The following EPHA7 variants were observed in gnomAD, a reference collection of about 807,000 sequenced individuals.
The protein encoded by EPHA7 is EPH receptor A7.
Under a neutral mutation model 112.6 loss-of-function variants are expected in EPHA7, and 25 were observed. The observed-to-expected ratio is 0.22, with a 90% CI of 0.16 to 0.31. The LOEUF (loss-of-function observed/expected upper bound fraction) is 0.31, where lower values mean the gene tolerates loss of function less well. Among genes scored for constraint, EPHA7 ranks in the 10% least tolerant of loss-of-function variants. EPHA7 has a pLI of 1.00. For synonymous variants in EPHA7, 437 were observed against 406.5 expected, an observed-to-expected ratio of 1.07 and a Z score of -0.90; for missense variants, 962 against 1,212.6, an observed-to-expected ratio of 0.79 and a Z score of 3.07.
intron 5 of EPHA7, among the ~76,000 whole-genome samples, chr6:93,352,855 T>C (rs994404470): frequency 3.9e-5 from 6 of 152,074 alleles, no homozygotes; most frequent in Non-Finnish European, 8.8e-5. Context: ...AAATACCACA[T>C]GTTCTTACTT....
At chr6:93,333,121 T>C (rs1480367907) in intron 5 of EPHA7, among the ~76,000 whole-genome samples, 1 of 151,886 alleles carries the variant, frequency 6.6e-6, no homozygotes, top group Non-Finnish European at 1.5e-5. Flanking sequence ...CACTTGTAAG[T>C]GAGAACATGT....
chr6:93,401,915 C>G (rs1208272807), intron 3 of EPHA7, among the ~76,000 whole-genome samples: 2 of 151,904 alleles, frequency 1.3e-5, no homozygotes, highest in Admixed American at 1.3e-4. Flanking sequence ...ATGAATATTT[C>G]ATAGATTAGT....
intron 5 of EPHA7, among the ~76,000 whole-genome samples, chr6:93,272,857 T>C (rs1771294200): frequency 1.3e-5 from 2 of 152,012 alleles, no homozygotes; most frequent in African/African-American, 4.8e-5. Flanking sequence ...AATGGCTACT[T>C]TGATCTTCAA....
intron 5 of EPHA7, among the ~76,000 whole-genome samples, chr6:93,278,737 T>C (rs1267005650): frequency 2.0e-5 from 3 of 151,980 alleles, no homozygotes; most frequent in African/African-American, 7.2e-5. Context: ...TGTGTGTGTG[T>C]GTGAAGAAGC....
intron 5 of EPHA7, among the ~76,000 whole-genome samples, chr6:93,300,484 A>G (rs1478346644): frequency 6.6e-6 from 1 of 152,170 alleles, no homozygotes; most frequent in Non-Finnish European, 1.5e-5. Context: ...ATTTTCTTAC[A>G]ATTTTTTATA....
At chr6:93,369,365 G>A (rs1351604000) in intron 3 of EPHA7, among the ~76,000 whole-genome samples, 1 of 152,010 alleles carries the variant, frequency 6.6e-6, no homozygotes, top group Non-Finnish European at 1.5e-5. Flanking sequence ...ACATCTCTTT[G>A]TATCCATTAT....
At chr6:93,406,449 T>C (rs1053326809) in intron 3 of EPHA7, among the ~76,000 whole-genome samples, 7 of 151,850 alleles carry the variant, frequency 4.6e-5, no homozygotes, top group South Asian at 2.1e-4. Flanking sequence ...TTTCATTAGT[T>C]TTTTAGTAAC....
intron 1 of EPHA7, among the ~76,000 whole-genome samples, chr6:93,418,237 A>AT (rs1779342812): frequency 6.6e-6 from 1 of 152,008 alleles, no homozygotes; most frequent in Non-Finnish European, 1.5e-5. Flanking sequence ...GACAGGGTTT[A>AT]TTTTTCCCCA....
At chr6:93,355,319 C>A (rs1775891365) in intron 5 of EPHA7, among the ~76,000 whole-genome samples, 1 of 152,098 alleles carries the variant, frequency 6.6e-6, no homozygotes, top group Admixed American at 6.6e-5. Flanking sequence ...GAATAAAAAC[C>A]CACTAATTTG....
intron 5 of EPHA7, among the ~76,000 whole-genome samples, chr6:93,332,953 T>G (rs1228529166): frequency 1.3e-5 from 2 of 151,554 alleles, no homozygotes; most frequent in East Asian, 3.9e-4. Flanking sequence ...TGGGTCATGG[T>G]TGTTTGGTGT....
chr6:93,409,509 G>C lies in EPHA7; in HGVS notation c.832+992C>G, dbSNP rs75864812. On this transcript the variant is annotated intron_variant, in intron 3 of 16. Coordinates refer to ENST00000369303, the MANE Select transcript of EPHA7 (RefSeq NM_004440.4). The stretch of plus-strand genomic sequence containing the variant: ...TTATCAAGAAAAATTAGTTATAATA[G>C]TTATTATTATCAGTAGTCTCCTTTA... 4.6e-5 allele frequency: 7 copies of C among 152,054 alleles called. No individual in the cohort carries two copies. In the East Asian group the frequency reaches 1.2e-3, roughly 25 times the overall value. 9.4% of individuals were successfully genotyped at this position (152,054 alleles called of 1,614,324 possible).
At chr6:93,313,171 T>G (rs1167594264) in intron 5 of EPHA7, among the ~76,000 whole-genome samples, 2 of 152,160 alleles carry the variant, frequency 1.3e-5, no homozygotes, top group Non-Finnish European at 2.9e-5. Context: ...CAGCCTTCAA[T>G]TCGTAAAAAA....
At chr6:93,283,037 G>C (rs1471128881) in intron 5 of EPHA7, among the ~76,000 whole-genome samples, 1 of 152,218 alleles carries the variant, frequency 6.6e-6, no homozygotes, top group African/African-American at 2.4e-5. Flanking sequence ...CGGCCCCGGT[G>C]CGGGATCCAT....
At chr6:93,313,139 C>G (rs1440837988) in intron 5 of EPHA7, among the ~76,000 whole-genome samples, 2 of 152,058 alleles carry the variant, frequency 1.3e-5, no homozygotes, top group Non-Finnish European at 2.9e-5. Flanking sequence ...TGCTGATAGA[C>G]TAGCTCAATG....
At chr6:93,367,232 A>T (rs1258917614) in intron 3 of EPHA7, among the ~76,000 whole-genome samples, 1 of 152,180 alleles carries the variant, frequency 6.6e-6, no homozygotes, top group Non-Finnish European at 1.5e-5. Flanking sequence ...GAGAGTTCTT[A>T]CCCCACAATT....
intron 3 of EPHA7, among the ~76,000 whole-genome samples, chr6:93,379,982 A>T (rs1034074874): frequency 6.6e-6 from 1 of 152,058 alleles, no homozygotes; most frequent in Non-Finnish European, 1.5e-5. Flanking sequence ...CTGTGAAAAG[A>T]TTTTGTTTCT....
At chr6:93,390,539 G>T (rs974470651) in intron 3 of EPHA7, among the ~76,000 whole-genome samples, 2 of 148,588 alleles carry the variant, frequency 1.3e-5, no homozygotes, top group East Asian at 4.0e-4. Context: ...CATGATGCCT[G>T]TAACTTACTT....
intron 5 of EPHA7, among the ~76,000 whole-genome samples, chr6:93,277,503 C>T (rs1771525668): frequency 6.6e-6 from 1 of 151,824 alleles, no homozygotes; most frequent in Non-Finnish European, 1.5e-5. Context: ...AAAATAAGTA[C>T]AGGAACTAAG....
At position 93,376,621 on chromosome 6, in the gene EPHA7, T is replaced by C. The variant is rs1315260560; in HGVS notation, c.833-18210A>G. ...GTGTCCTTCCCTTATAAAATAACAT[T>C]TAATGTCTTCCGTATCAATGTATTT... On this transcript the variant is annotated intron_variant, in intron 3 of 16. Coordinates refer to ENST00000369303, the MANE Select transcript of EPHA7 (RefSeq NM_004440.4). Among the ~76,000 whole-genome samples the C allele has an allele frequency of 2.6e-5, 4 of 152,112 alleles. No individual in the cohort carries two copies. In the East Asian group the frequency reaches 7.7e-4, roughly 29 times the overall value.
Sources: gnomAD v4.1 joint callset for allele counts (sites outside exome capture counted in the v4.1 genomes callset) on GRCh38, gnomAD v4.1.1 for gene constraint, MANE v1.5 for transcripts, NCBI Gene and HGNC (gene_info 2026-07-23, HGNC 2026-07-21) for gene names.